RANBP2: variants seen among roughly 807,000 people sequenced by gnomAD.
RANBP2 encodes the protein RAN binding protein 2, also known as E3 SUMO-protein ligase RanBP2.
In RANBP2, 57 loss-of-function variants were observed where a neutral mutation model predicts 303.6. That is an observed-to-expected ratio of 0.19 (90% CI 0.15 to 0.23). RANBP2 has a LOEUF of 0.23. Among genes scored for constraint, RANBP2 ranks in the 10% least tolerant of loss-of-function variants. The pLI is 1.00. For missense variants in RANBP2, 3,138 were observed against 3,780.8 expected, an observed-to-expected ratio of 0.83 and a Z score of 4.46; for synonymous variants, 1,167 against 1,301.5, an observed-to-expected ratio of 0.90 and a Z score of 2.23.
the RANBP2 span, among the ~76,000 whole-genome samples, chr2:109,716,834 C>A: frequency 6.6e-6 from 1 of 152,230 alleles, no homozygotes; most frequent in East Asian, 1.9e-4. Context: ...CAGGCATGAG[C>A]CACCGCGCCC....
the RANBP2 span, among the ~76,000 whole-genome samples, chr2:109,373,685 A>G: frequency 6.6e-6 from 1 of 152,152 alleles, no homozygotes; most frequent in Non-Finnish European, 1.5e-5. Context: ...GGCTGCAGAA[A>G]GGTTTCGTGT....
the RANBP2 span, among the ~76,000 whole-genome samples, chr2:109,400,294 T>C: frequency 6.6e-6 from 1 of 151,812 alleles, no homozygotes; most frequent in South Asian, 2.1e-4. Flanking sequence ...CCCACGCACA[T>C]GTGCACTCAT....
At chr2:108,975,087 C>T in the RANBP2 span, among the ~76,000 whole-genome samples, 3 of 152,188 alleles carry the variant, frequency 2.0e-5, no homozygotes, top group East Asian at 5.8e-4. Flanking sequence ...AGCCTAGCCC[C>T]AAGTGCCACC....
the RANBP2 span, among the ~76,000 whole-genome samples, chr2:109,209,993 T>C: frequency 8.5e-5 from 13 of 152,216 alleles, no homozygotes; most frequent in African/African-American, 3.1e-4. Flanking sequence ...GCCCCCCCAG[T>C]AACCTCTGTT....
chr2:108,938,420 A>AGGAAGCTC, the RANBP2 span, among the ~76,000 whole-genome samples: 1 of 152,232 alleles, frequency 6.6e-6, no homozygotes, highest in Non-Finnish European at 1.5e-5. Flanking sequence ...CCAAAGAGGA[A>AGGAAGCTC]GGAAGCTCTC....
the RANBP2 span, among the ~76,000 whole-genome samples, chr2:109,050,157 C>G: frequency 6.6e-6 from 1 of 152,124 alleles, no homozygotes; most frequent in Non-Finnish European, 1.5e-5. Context: ...TGTATAATAT[C>G]TCAATTGTTT....
chr2:108,812,816 G>A, the RANBP2 span: 1 of 1,612,660 alleles, frequency 6.2e-7, no homozygotes, highest in Admixed American at 1.7e-5. Context: ...ATATACTGTT[G>A]CAGAGGAAGT....
At chr2:108,751,128 G>A in intron 9 of RANBP2, 136 bp from the exon 10 acceptor site, 2 of 1,470,014 alleles carry the variant, frequency 1.4e-6, no homozygotes, top group Non-Finnish European at 1.8e-6. Context: ...GCCTAACATA[G>A]AATTCCCTTC....
the RANBP2 span, among the ~76,000 whole-genome samples, chr2:109,427,055 G>A: frequency 2.0e-5 from 3 of 151,980 alleles, no homozygotes; most frequent in South Asian, 2.1e-4. Flanking sequence ...TGGAACCTTC[G>A]CCTCCTGGGT....
the RANBP2 span, among the ~76,000 whole-genome samples, chr2:108,870,250 T>A: frequency 6.6e-6 from 1 of 152,160 alleles, no homozygotes; most frequent in African/African-American, 2.4e-5. Flanking sequence ...AACAGCAGAC[T>A]TGAACAGGCA....
chr2:108,807,111 C>G, the RANBP2 span, among the ~76,000 whole-genome samples: 1 of 152,004 alleles, frequency 6.6e-6, no homozygotes, highest in Non-Finnish European at 1.5e-5. Context: ...GACAGAATTG[C>G]ATAACTGAGA....
chr2:109,574,871 C>T, the RANBP2 span: 5 of 714,454 alleles, frequency 7.0e-6, no homozygotes, highest in Non-Finnish European at 1.1e-5. Flanking sequence ...AATTAATAAA[C>T]AGTTAATATC....
At chr2:109,306,972 G>A in the RANBP2 span, among the ~76,000 whole-genome samples, 2 of 152,196 alleles carry the variant, frequency 1.3e-5, no homozygotes, top group Non-Finnish European at 1.5e-5. Flanking sequence ...ATTGCTTGCC[G>A]CTTGGCATGA....
the RANBP2 span, among the ~76,000 whole-genome samples, chr2:109,637,714 T>C: frequency 6.6e-6 from 1 of 152,216 alleles, no homozygotes; most frequent in Non-Finnish European, 1.5e-5. Context: ...GCAAAGTGGC[T>C]GGGGCAAAGC....
the RANBP2 span, among the ~76,000 whole-genome samples, chr2:109,250,090 C>CTTTT: frequency 0.016 from 2,217 of 134,834 alleles, 66 homozygotes; most frequent in African/African-American, 0.057. Flanking sequence ...GTAGGTGTTC[C>CTTTT]TTTTTTTTTT....
chr2:109,215,363 G>GA, the RANBP2 span, among the ~76,000 whole-genome samples: 1 of 152,146 alleles, frequency 6.6e-6, no homozygotes, highest in African/African-American at 2.4e-5. Context: ...CCAGAGAAGG[G>GA]AGGGTGCATT....
chr2:109,336,060 C>T, the RANBP2 span, among the ~76,000 whole-genome samples: 1 of 152,178 alleles, frequency 6.6e-6, no homozygotes, highest in Non-Finnish European at 1.5e-5. Flanking sequence ...AGAAGGCATT[C>T]CTCTCCCTAC....
At chr2:109,001,117 T>C in the RANBP2 span, among the ~76,000 whole-genome samples, 1 of 152,218 alleles carries the variant, frequency 6.6e-6, no homozygotes, top group Non-Finnish European at 1.5e-5. Context: ...CATTGCTACA[T>C]GAGTGGCTCG....
chr2:109,165,420 C>G, the RANBP2 span, among the ~76,000 whole-genome samples: 1 of 152,074 alleles, frequency 6.6e-6, no homozygotes, highest in Non-Finnish European at 1.5e-5. Context: ...CTCAGAGACC[C>G]CACCACCCCT....
Sources: allele counts gnomAD v4.1 joint callset (sites outside exome capture counted in the v4.1 genomes callset), GRCh38; gene constraint gnomAD v4.1.1; transcripts MANE v1.5; gene names NCBI Gene and HGNC (gene_info 2026-07-23, HGNC 2026-07-21).